RNF44: variants seen among roughly 807,000 people sequenced by gnomAD.
RNF44 encodes ring finger protein 44.
RNF44 carries 25 observed loss-of-function variants against 53.6 expected under a neutral mutation model. That is an observed-to-expected ratio of 0.47 (90% confidence interval 0.34 to 0.65). The LOEUF (loss-of-function observed/expected upper bound fraction) is 0.65. Ranked by LOEUF, RNF44 falls within the 30% of genes least tolerant of loss-of-function variation. The pLI, the probability that RNF44 is intolerant of heterozygous loss-of-function variation, is 0.01. For synonymous variants in RNF44, 282 were observed against 252.2 expected, an observed-to-expected ratio of 1.12 and a Z score of -1.12; for missense variants, 581 against 595.5, an observed-to-expected ratio of 0.98 and a Z score of 0.25.
chr5:176,529,385 C>T lies in RNF44; in HGVS notation c.1139G>A (p.Cys380Tyr). Residue 380 changes from cysteine to tyrosine, a missense_variant and splice_region_variant, in exon 10 of 11, where the codon TGT becomes TAT. This residue lies in a region of RNF44 where 183 missense variants were observed against 198.6 expected (regional missense o/e 0.92). Transcript: ENST00000274811. ...CTCGAAGTCACTGAAGCAGACCACACACCTGTGGAGGGGCGCGGAGCGTCA... is the reference window on the plus strand; with the variant it reads ...CTCGAAGTCACTGAAGCAGACCACATACCTGTGGAGGGGCGCGGAGCGTCA... ...PDSHQSEQTLCVVCFSDFEAR... is the reference protein window; with the variant it reads ...PDSHQSEQTLYVVCFSDFEAR... 1 of 1,612,348 alleles carries T rather than the reference C, an allele frequency of 6.2e-7. No homozygotes were observed. Among genetic ancestry groups the T allele is most frequent in the Non-Finnish European group, 8.5e-7 (1 of 1,179,072 alleles).
rs1312532556 is a variant in RNF44 at position 176,531,176 on chromosome 5, G to A, written c.466-155C>T. On this transcript the variant is annotated intron_variant, in intron 4 of 10. Coordinates refer to ENST00000274811, the MANE Select transcript of RNF44 (RefSeq NM_014901.5). The surrounding 1 kb of genome is among the most constrained non-coding windows in gnomAD (Gnocchi z 4.2). ...TGTGGAAGGCCCATCCCTGTCCTAG[G>A]CCACCCAGGCAGGACACTCCACTGT... is the stretch of plus-strand genomic sequence containing the variant. 1.3e-5 allele frequency among the ~76,000 whole-genome samples: 2 copies of A among 152,214 alleles called. No homozygotes were observed. The highest frequency in any genetic ancestry group is 2.9e-5 in the Non-Finnish European group (2 of 68,034).
rs1200295524 is a variant in RNF44, at chr5:176,532,208, G to C, written c.108-15C>G. 2 of 1,500,200 alleles carry C rather than the reference G, an allele frequency of 1.3e-6. No homozygotes were observed. Among genetic ancestry groups the C allele is most frequent in the African/African-American group, 2.8e-5 (2 of 71,654 alleles). 92.9% of individuals were successfully genotyped at this position (1,500,200 alleles called of 1,614,324 possible). ...CGAGGCCAGGGCTGCACCACAGAGA[G>C]GAGGCCCCGATAGGACTGAGGGGGG... On this transcript the variant is annotated splice_polypyrimidine_tract_variant and intron_variant, in intron 2 of 10. Coordinates refer to ENST00000274811, the MANE Select transcript of RNF44 (RefSeq NM_014901.5).
rs1022162121 is a variant in RNF44 at position 176,531,796 on chromosome 5, G to A, written c.298-166C>T. On this transcript the variant is annotated intron_variant, in intron 3 of 10. Coordinates refer to ENST00000274811, the MANE Select transcript of RNF44 (RefSeq NM_014901.5). This position sits in a 1 kb window ranked among gnomAD's most constrained non-coding sequence, Gnocchi z 4.2. ...GTGCCTCTACTCCCAGGCCCCCGGG[G>A]CAGAGAAAGCCCCGTGGGAATCTAG... The A allele has an allele frequency of 1.1e-6, 1 of 871,828 alleles. No individual in the cohort carries two copies. The highest frequency in any genetic ancestry group is 1.7e-6 in the Non-Finnish European group (1 of 581,470). 54.0% of individuals were successfully genotyped at this position (871,828 alleles called of 1,614,324 possible).
At chr5:176,539,068 C>T (rs1380643525), upstream of RNF44, among the ~76,000 whole-genome samples, 1 of 152,144 alleles carries the variant, frequency 6.6e-6, no homozygotes, top group African/African-American at 2.4e-5. Flanking sequence ...AATCAGAAAC[C>T]CCCTTTCAGC....
chr5:176,535,227 T>TA (rs1757046052), intron 1 of RNF44, among the ~76,000 whole-genome samples: 1 of 152,188 alleles, frequency 6.6e-6, no homozygotes, highest in African/African-American at 2.4e-5. Flanking sequence ...AACAGCCCAA[T>TA]AACTACCTCC....
intron 1 of RNF44, chr5:176,535,939 C>T (rs1757120334): frequency 6.6e-6 from 1 of 152,290 alleles, no homozygotes; most frequent in African/African-American, 2.4e-5. Context: ...ACATAACCCC[C>T]CACACCCACC....
chr5:176,529,499 T>G, intron 9 of RNF44, 24 bp downstream of exon 9: 1 of 1,612,802 alleles, frequency 6.2e-7, no homozygotes, highest in Non-Finnish European at 8.5e-7. Context: ...TTCAGAGGGG[T>G]GGGAGGTGGG....
chr5:176,530,893 CG>C lies in RNF44; in HGVS notation c.593del (p.Ala198GlyfsTer75). The C allele has an allele frequency of 2.9e-6, 2 of 693,430 alleles. No homozygotes were observed. Among genetic ancestry groups the C allele is most frequent in the Non-Finnish European group, 3.7e-6 (2 of 537,304 alleles). 43.0% of individuals were successfully genotyped at this position (693,430 alleles called of 1,614,324 possible). On this transcript the variant is annotated frameshift_variant, in exon 5 of 11. Transcript: ENST00000274811. LOFTEE classifies it high-confidence loss of function. Reference protein sequence around the residue: ...PAPPPQPTHMAPLGQFVSLQT... With the variant: ...PAPPPQPTHMXPLGQFVSLQT... The stretch of plus-strand genomic sequence containing the variant: ...GCAGAGACACAAACTGCCCCAGGGG[CG>C]CCATGTGGGTGGGCTGGGGGGGTGG...
In RNF44 at chr5:176,531,540, A is replaced by G. The variant is rs954758469; in HGVS notation, c.388T>C (p.Cys130Arg). 5.6e-6 allele frequency: 9 copies of G among 1,611,806 alleles called. No individual in the cohort carries two copies. The highest frequency in any genetic ancestry group is 2.5e-6 in the Non-Finnish European group (3 of 1,179,168). Residue 130 changes from cysteine (C) to arginine (R), a missense_variant, in exon 4 of 11, where the codon TGC (cysteine) becomes CGC (arginine). Transcript: ENST00000274811. The surrounding 1 kb of genome is among the most constrained non-coding windows in gnomAD (Gnocchi z 4.2). ...CATGCTGGGAGCTGCTGGGCACTGC[A>G]GCCAGGGATGTGCTGGCCTGTAGGC... is the stretch of plus-strand genomic sequence containing the variant. ...PLPTGQHIPG[C>R]SAQQLPACSV...
chr5:176,529,673 G>C lies in RNF44; in HGVS notation c.1015-29C>G, dbSNP rs761490582. On this transcript the variant is annotated intron_variant, in intron 8 of 10. Transcript: ENST00000274811. The stretch of plus-strand genomic sequence containing the variant: ...CATGCGGGCAGGAGACGGGGTCAGC[G>C]GCGCCCAGGGCTGCAGGTCTCCCAA... 5.0e-6 allele frequency: 8 copies of C among 1,612,302 alleles called. No homozygotes were observed. In the African/African-American group the frequency reaches 1.1e-4, roughly 21 times the overall value.
the RNF44 span, chr5:176,543,491 G>T: frequency 6.6e-6 from 1 of 152,026 alleles, no homozygotes; most frequent in South Asian, 2.1e-4. The surrounding 1 kb of genome is among the most constrained non-coding windows in gnomAD (Gnocchi z 4.0). Context: ...TGCCTGGACC[G>T]CACCACGCGT....
chr5:176,537,013 A>AGGGGGGGGGGGGGGGGGGGGG lies in RNF44; in HGVS notation c.-119_-118insCCCCCCCCCCCCCCCCCCCCC, dbSNP rs61169311. ...GGCCAAACTGGGCAGGGGGCGGGGG[A>AGGGGGGGGGGGGGGGGGGGGG]GGGGGGGGGTGCCTGTCTGGATCCT... On this transcript the variant is annotated 5_prime_UTR_variant, in exon 1 of 11. Coordinates refer to ENST00000274811, the MANE Select transcript of RNF44 (RefSeq NM_014901.5). 3.9e-5 allele frequency: 3 copies of AGGGGGGGGGGGGGGGGGGGGG among 77,408 alleles called. No homozygotes were observed. Among genetic ancestry groups the AGGGGGGGGGGGGGGGGGGGGG allele is most frequent in the Admixed American group, 1.3e-4 (1 of 7,928 alleles). 4.8% of individuals were successfully genotyped at this position (77,408 alleles called of 1,614,324 possible).
chr5:176,539,262 AATT>A (rs1757390256), upstream of RNF44, among the ~76,000 whole-genome samples: 1 of 152,206 alleles, frequency 6.6e-6, no homozygotes, highest in Admixed American at 6.5e-5. Flanking sequence ...CACAGTTAAA[AATT>A]ACATGTGCAT....
upstream of RNF44, among the ~76,000 whole-genome samples, chr5:176,539,677 G>C (rs910355078): frequency 6.6e-6 from 1 of 150,852 alleles, no homozygotes; most frequent in Non-Finnish European, 1.5e-5. Context: ...GACAGAGCGA[G>C]ACTCCGTCTT....
chr5:176,539,642 T>G (rs902885646), upstream of RNF44, among the ~76,000 whole-genome samples: 3 of 151,672 alleles, frequency 2.0e-5, no homozygotes, highest in Admixed American at 6.6e-5. Flanking sequence ...GAGCTGAGAT[T>G]GCGCCACTGC....
chr5:176,532,216 C>A, intron 2 of RNF44, 23 bp from the exon 3 acceptor site: 2 of 1,493,956 alleles, frequency 1.3e-6, no homozygotes, highest in Non-Finnish European at 1.8e-6. Context: ...GAGGAGGCCC[C>A]GATAGGACTG....
At chr5:176,529,862 TG>T in intron 7 of RNF44, 44 bp from the exon 8 acceptor site, 1 of 1,517,294 alleles carries the variant, frequency 6.6e-7, no homozygotes, top group Non-Finnish European at 8.9e-7. Context: ...AGGTCAGGAG[TG>T]GGGCACACAG....
chr5:176,542,574 C>T (rs1252591888), upstream of RNF44: 1 of 152,188 alleles, frequency 6.6e-6, no homozygotes, highest in Non-Finnish European at 1.5e-5. Flanking sequence ...AGTGCGGACC[C>T]TGGAAGATCG....
intron 1 of RNF44, among the ~76,000 whole-genome samples, chr5:176,533,382 G>A (rs186746992): frequency 1.3e-5 from 2 of 152,296 alleles, no homozygotes; most frequent in Admixed American, 6.5e-5. Context: ...ATGTATAGCT[G>A]GCCCATTTTA....
Sources: allele counts gnomAD v4.1 joint callset (sites outside exome capture counted in the v4.1 genomes callset), GRCh38; gene constraint gnomAD v4.1.1; regional missense constraint gnomAD v4.1.1; non-coding constraint Gnocchi (gnomAD v3.1); transcripts MANE v1.5; gene names NCBI Gene and HGNC (gene_info 2026-07-23, HGNC 2026-07-21).